PTPRM: variants seen among roughly 807,000 people sequenced by gnomAD.
The protein encoded by PTPRM is receptor-type tyrosine-protein phosphatase mu.
A neutral mutation model predicts 186.7 loss-of-function variants in PTPRM; 47 were observed. That is an observed-to-expected ratio of 0.25 (90% CI 0.20 to 0.32). The LOEUF (loss-of-function observed/expected upper bound fraction) is 0.32, where lower values mean the gene tolerates loss of function less well. Among genes scored for constraint, PTPRM ranks in the 10% least tolerant of loss-of-function variants. The probability of loss-of-function intolerance (pLI) is 1.00; values close to 1 mark genes in which losing one functional copy is unlikely to be tolerated. For synonymous variants in PTPRM, 668 were observed against 674.9 expected (o/e 0.99, Z 0.16); for missense variants, 1,494 against 1,865.0 (o/e 0.80, Z 3.66).
chr18:7,731,515 G>A (rs905702997), intron 1 of PTPRM, among the ~76,000 whole-genome samples: 17 of 152,156 alleles, frequency 1.1e-4, no homozygotes, highest in African/African-American at 3.9e-4. Context: ...CCTTTAGTTT[G>A]CAGCTAAGGA....
At chr18:7,960,480 T>TATACAC (rs1300573371) in intron 7 of PTPRM, among the ~76,000 whole-genome samples, 46 of 86,588 alleles carry the variant, frequency 5.3e-4, no homozygotes, top group African/African-American at 1.9e-3. Flanking sequence ...TATATATATA[T>TATACAC]ACACACACAC....
chr18:7,570,498 G>A (rs1180085245), intron 1 of PTPRM, among the ~76,000 whole-genome samples: 1 of 152,148 alleles, frequency 6.6e-6, no homozygotes, highest in African/African-American at 2.4e-5. Flanking sequence ...ATTACTATTT[G>A]TTGAATAAAT....
chr18:7,735,527 G>T (rs2040750910), intron 1 of PTPRM, among the ~76,000 whole-genome samples: 1 of 151,974 alleles, frequency 6.6e-6, no homozygotes, highest in Non-Finnish European at 1.5e-5. Flanking sequence ...AACATCACAT[G>T]ACAGATAAAG....
chr18:8,389,478 C>T (rs946833725), intron 31 of PTPRM, among the ~76,000 whole-genome samples: 5 of 152,188 alleles, frequency 3.3e-5, no homozygotes, highest in African/African-American at 4.8e-5. Context: ...TCACAGTGGA[C>T]GGTGGGAGGC....
chr18:7,974,154 A>T (rs1487778185), intron 7 of PTPRM, among the ~76,000 whole-genome samples: 1 of 152,212 alleles, frequency 6.6e-6, no homozygotes, highest in African/African-American at 2.4e-5. Flanking sequence ...GGCAGCTGCT[A>T]TGAAAGCCGA....
At chr18:7,815,855 G>C (rs1358610348) in intron 2 of PTPRM, 1 of 152,134 alleles carries the variant, frequency 6.6e-6, no homozygotes, top group African/African-American at 2.4e-5. Flanking sequence ...GCAAAATGAG[G>C]TTCTACTACA....
intron 2 of PTPRM, among the ~76,000 whole-genome samples, chr18:7,870,426 G>A (rs886334179): frequency 6.6e-6 from 1 of 152,142 alleles, no homozygotes; most frequent in African/African-American, 2.4e-5. Context: ...TTCTGAAGGT[G>A]TAGATACCAG....
At chr18:8,219,346 AG>A (rs1260059425) in intron 14 of PTPRM, among the ~76,000 whole-genome samples, 1 of 152,106 alleles carries the variant, frequency 6.6e-6, no homozygotes, top group Non-Finnish European at 1.5e-5. Context: ...GGACGCCTGT[AG>A]TCCCAGCTAC....
At chr18:7,609,698 A>G (rs182902145) in intron 1 of PTPRM, among the ~76,000 whole-genome samples, 1 of 152,194 alleles carries the variant, frequency 6.6e-6, no homozygotes, top group Non-Finnish European at 1.5e-5. Context: ...TTTCTGATCT[A>G]CTGCCATTGG....
At chr18:7,657,974 T>C (rs1209988190) in intron 1 of PTPRM, among the ~76,000 whole-genome samples, 5 of 152,152 alleles carry the variant, frequency 3.3e-5, no homozygotes. Context: ...TTTCGATACA[T>C]ATATACATTG....
chr18:8,105,435 A>G (rs959803951), intron 11 of PTPRM, among the ~76,000 whole-genome samples: 2 of 152,224 alleles, frequency 1.3e-5, no homozygotes, highest in Non-Finnish European at 2.9e-5. Context: ...TTGTTCTTTA[A>G]GAACCTTTGA....
chr18:8,358,896 C>T (rs189003408), intron 23 of PTPRM, among the ~76,000 whole-genome samples: 66 of 152,254 alleles, frequency 4.3e-4, no homozygotes, highest in Non-Finnish European at 7.6e-4. Flanking sequence ...GTACTGCCCT[C>T]CTTCTGTTGA....
At chr18:8,085,383 T>C (rs1370879931) in intron 9 of PTPRM, among the ~76,000 whole-genome samples, 1 of 152,182 alleles carries the variant, frequency 6.6e-6, no homozygotes, top group African/African-American at 2.4e-5. Context: ...AATGTAGTTT[T>C]ACAAAATGAC....
intron 1 of PTPRM, among the ~76,000 whole-genome samples, chr18:7,756,825 A>AG (rs1229286612): frequency 6.6e-6 from 1 of 152,068 alleles, no homozygotes; most frequent in Non-Finnish European, 1.5e-5. Flanking sequence ...TGTGTTGTAA[A>AG]GGGGGGACAA....
At chr18:7,817,119 C>A (rs1342350230) in intron 2 of PTPRM, among the ~76,000 whole-genome samples, 3 of 151,942 alleles carry the variant, frequency 2.0e-5, no homozygotes, top group Non-Finnish European at 4.4e-5. Context: ...GGATTACAGA[C>A]ATGTGCCACT....
At chr18:8,135,540 A>G (rs186157365) in intron 13 of PTPRM, among the ~76,000 whole-genome samples, 1 of 152,148 alleles carries the variant, frequency 6.6e-6, no homozygotes, top group Admixed American at 6.5e-5. Flanking sequence ...TCTCCAAATG[A>G]TTCTTCACCC....
chr18:8,328,344 T>C (rs2095391199), intron 22 of PTPRM, among the ~76,000 whole-genome samples: 1 of 152,166 alleles, frequency 6.6e-6, no homozygotes, highest in South Asian at 2.1e-4. Flanking sequence ...CAGATGGAGA[T>C]GAACACTTGA....
Position 8,082,326 on chromosome 18 carries a change from G to A in PTPRM, c.1552-3345G>A, listed in dbSNP as rs565391121. 5.3e-5 allele frequency among the ~76,000 whole-genome samples: 8 copies of A among 152,254 alleles called. No homozygotes were observed. In the East Asian group the frequency reaches 1.5e-3, roughly 29 times the overall value. The stretch of plus-strand genomic sequence containing the variant: ...AGATTCATTGCCCAGTGAATTGTAT[G>A]AATAGTCACAACACAGGCATTCAGT... On this transcript the variant is annotated intron_variant, in intron 9 of 32. Transcript: ENST00000580170.
In PTPRM at chr18:7,567,806, C is replaced by G. The variant is rs778830838; in HGVS notation, c.-13C>G. 5 of 1,536,360 alleles carry G rather than the reference C, an allele frequency of 3.3e-6. No individual in the cohort carries two copies. The highest frequency in any genetic ancestry group is 4.4e-6 in the Non-Finnish European group (5 of 1,148,112). On this transcript the variant is annotated 5_prime_UTR_variant, in exon 1 of 33. Coordinates refer to ENST00000580170, the MANE Select transcript of PTPRM (RefSeq NM_001105244.2). The surrounding 1 kb of genome is among the most constrained non-coding windows in gnomAD (Gnocchi z 4.3). ...ACCGCCGCCGGGGAGCGGCCCGGCC[C>G]GCACTCAGCACCATGAGGGGACTTG...
Sources: allele counts gnomAD v4.1 joint callset (sites outside exome capture counted in the v4.1 genomes callset), GRCh38; gene constraint gnomAD v4.1.1; non-coding constraint Gnocchi (gnomAD v3.1); transcripts MANE v1.5; gene names NCBI Gene and HGNC (gene_info 2026-07-23, HGNC 2026-07-21).